NHS: variants seen among roughly 807,000 people sequenced by gnomAD.
NHS encodes the protein actin remodeling regulator NHS.
A neutral mutation model predicts 72.5 loss-of-function variants in NHS; 5 were observed. The ratio of observed to expected loss-of-function variants is 0.07; its 90% CI spans 0.04 to 0.14. The LOEUF is 0.14. NHS is among the 10% of genes least tolerant of loss of function. The pLI, the probability that NHS is intolerant of heterozygous loss-of-function variation, is 1.00. For synonymous variants in NHS, 464 were observed against 547.7 expected, an observed-to-expected ratio of 0.85 and a Z score of 2.13; for missense variants, 1,072 against 1,355.7, an observed-to-expected ratio of 0.79 and a Z score of 3.29.
chrX:17,591,621 A>G (rs1480695694), intron 1 of NHS, among the ~76,000 whole-genome samples: 5 of 111,466 alleles, frequency 4.5e-5, no homozygotes, highest in African/African-American at 1.6e-4. Flanking sequence ...TGTGTAATAA[A>G]TTGCCCGAGG....
intron 3 of NHS, among the ~76,000 whole-genome samples, chrX:17,718,208 T>C (rs1265682345): frequency 2.7e-5 from 3 of 109,651 alleles, no homozygotes; most frequent in African/African-American, 1.0e-4. Flanking sequence ...GTTGAGGAAT[T>C]GCCCCTGGCC....
At chrX:17,431,284 CT>C (rs2064693843) in intron 1 of NHS, among the ~76,000 whole-genome samples, 1 of 111,533 alleles carries the variant, frequency 9.0e-6, no homozygotes, top group African/African-American at 3.3e-5. Context: ...TATTTTTAAC[CT>C]CTCATAAGGG....
chrX:17,409,237 T>G (rs2064545166), intron 1 of NHS, among the ~76,000 whole-genome samples: 1 of 112,472 alleles, frequency 8.9e-6, no homozygotes, highest in Non-Finnish European at 1.9e-5. Context: ...TAATTAAACA[T>G]GGTACTAGAC....
At chrX:17,404,456 T>C (rs2064518074) in intron 1 of NHS, among the ~76,000 whole-genome samples, 1 of 111,986 alleles carries the variant, frequency 8.9e-6, no homozygotes, top group African/African-American at 3.2e-5. Flanking sequence ...TATGTTTGCC[T>C]TGCCTTATTC....
rs1025010767 is a variant in NHS, at chrX:17,416,133, G to A, written c.565+39811G>A. On this transcript the variant is annotated intron_variant, in intron 1 of 8. Transcript: ENST00000676302. ...GGTGGACATACACTGATAAATCTGG[G>A]AAGTCGTTGCTTTCAGTCTCTCTCT... Among the ~76,000 whole-genome samples the A allele has an allele frequency of 5.4e-5, 6 of 111,197 alleles. No individual in the cohort carries two copies. The South Asian group carries it at 1.1e-3, about 21-fold the overall frequency.
intron 1 of NHS, among the ~76,000 whole-genome samples, chrX:17,673,196 A>C (rs1490093909): frequency 2.2e-5 from 2 of 89,208 alleles, no homozygotes; most frequent in Non-Finnish European, 4.3e-5. Flanking sequence ...ACACACACAC[A>C]CACACACACA....
chrX:17,576,427 C>T (rs1168262745), intron 1 of NHS, among the ~76,000 whole-genome samples: 1 of 111,715 alleles, frequency 9.0e-6, no homozygotes, highest in Non-Finnish European at 1.9e-5. Flanking sequence ...CACATTTTTT[C>T]TCATCACCCC....
At chrX:17,646,778 G>A (rs2065907703) in intron 1 of NHS, among the ~76,000 whole-genome samples, 1 of 112,152 alleles carries the variant, frequency 8.9e-6, no homozygotes, top group African/African-American at 3.2e-5. Context: ...AACATAATTA[G>A]TATGTTTTTA....
intron 1 of NHS, among the ~76,000 whole-genome samples, chrX:17,606,430 ATGT>A (rs1293588519): frequency 8.9e-6 from 1 of 111,787 alleles, no homozygotes; most frequent in Non-Finnish European, 1.9e-5. Context: ...CCGACGTGAC[ATGT>A]TGTCTTCCCG....
chrX:17,602,810 G>A (rs888432587), intron 1 of NHS, among the ~76,000 whole-genome samples: 4 of 103,325 alleles, frequency 3.9e-5, no homozygotes, highest in African/African-American at 1.4e-4. Context: ...TAATAATTGT[G>A]GATATTTATG....
At chrX:17,537,193 G>C (rs1184101830) in intron 1 of NHS, among the ~76,000 whole-genome samples, 1 of 112,279 alleles carries the variant, frequency 8.9e-6, no homozygotes, top group East Asian at 2.8e-4. Context: ...GTTTCTGGTA[G>C]ATGTTTTGCC....
chrX:17,712,393 C>CAT (rs3074204), intron 3 of NHS, among the ~76,000 whole-genome samples: 1,500 of 81,353 alleles, frequency 0.018, 18 homozygotes, highest in East Asian at 0.034. Context: ...CACACACACA[C>CAT]ATATATATAT....
At chrX:17,489,237 T>C in intron 1 of NHS, among the ~76,000 whole-genome samples, 1 of 112,307 alleles carries the variant, frequency 8.9e-6, no homozygotes, top group Non-Finnish European at 1.9e-5. Flanking sequence ...TTGTGAACAG[T>C]GTGGCTATAA....
chrX:17,454,446 T>C (rs1263158261), intron 1 of NHS, among the ~76,000 whole-genome samples: 1 of 112,207 alleles, frequency 8.9e-6, no homozygotes, highest in Non-Finnish European at 1.9e-5. Flanking sequence ...TCAGAGCTAC[T>C]GACTCCCTTT....
In NHS at chrX:17,442,572, G is replaced by C. The variant is rs1291283617; in HGVS notation, c.565+66250G>C. 2.7e-5 allele frequency among the ~76,000 whole-genome samples: 3 copies of C among 112,358 alleles called. No individual in the cohort carries two copies. The East Asian group carries it at 8.4e-4, about 31-fold the overall frequency. ...GGAGCATTCAACATTCACGTTGAGA[G>C]AATAAATGGATGTTTCATGTTCTTC... On this transcript the variant is annotated intron_variant, in intron 1 of 8. Transcript: ENST00000676302.
intron 1 of NHS, among the ~76,000 whole-genome samples, chrX:17,647,129 T>G (rs2065909452): frequency 8.9e-6 from 1 of 111,869 alleles, no homozygotes; most frequent in Non-Finnish European, 1.9e-5. Context: ...GCTCCAAGAT[T>G]TACTAAGAAA....
At chrX:17,699,810 C>T (rs773915676) in intron 3 of NHS, among the ~76,000 whole-genome samples, 9 of 111,949 alleles carry the variant, frequency 8.0e-5, no homozygotes, top group Non-Finnish European at 1.7e-4. Context: ...TATGCATGAA[C>T]TATTCTTTGA....
chrX:17,704,464 C>T (rs895980826), intron 3 of NHS, among the ~76,000 whole-genome samples: 1 of 109,647 alleles, frequency 9.1e-6, no homozygotes, highest in African/African-American at 3.3e-5. Context: ...CCACGCCTGG[C>T]TAATTTTTTG....
At chrX:17,662,206 G>A (rs1230880514) in intron 1 of NHS, among the ~76,000 whole-genome samples, 6 of 112,097 alleles carry the variant, frequency 5.4e-5, no homozygotes, top group African/African-American at 9.7e-5. Flanking sequence ...GAAGTGGGAC[G>A]TGCAGCCTGG....
Sources: gnomAD v4.1 joint callset for allele counts (sites outside exome capture counted in the v4.1 genomes callset) on GRCh38, gnomAD v4.1.1 for gene constraint, MANE v1.5 for transcripts, NCBI Gene and HGNC (gene_info 2026-07-23, HGNC 2026-07-21) for gene names.